AZIN2: variants seen among roughly 807,000 people sequenced by gnomAD.
AZIN2 encodes antizyme inhibitor 2.
AZIN2 carries 28 observed loss-of-function variants against 47.8 expected under a neutral mutation model. The ratio of observed to expected loss-of-function variants is 0.59; its 90% CI spans 0.43 to 0.80. The LOEUF (loss-of-function observed/expected upper bound fraction) is 0.80, where lower values mean the gene tolerates loss of function less well. AZIN2 is among the 30% of genes least tolerant of loss of function. The pLI is 0.00. For missense variants in AZIN2, 535 were observed against 582.5 expected, an observed-to-expected ratio of 0.92 and a Z score of 0.84; for synonymous variants, 221 against 239.4, an observed-to-expected ratio of 0.92 and a Z score of 0.71.
intron 10 of AZIN2, among the ~76,000 whole-genome samples, chr1:33,105,500 A>G (rs1333849464): frequency 6.6e-6 from 1 of 152,220 alleles, no homozygotes; most frequent in Non-Finnish European, 1.5e-5. Context: ...GGAAACCTAC[A>G]TTCATGGCAG....
chr1:33,162,964 G>A, the AZIN2 span: 1 of 152,252 alleles, frequency 6.6e-6, no homozygotes, highest in East Asian at 1.9e-4. Context: ...TTGCCTCACT[G>A]ATAAGATTGA....
At chr1:33,157,579 C>T in the AZIN2 span, among the ~76,000 whole-genome samples, 6 of 152,044 alleles carry the variant, frequency 3.9e-5, no homozygotes, top group Admixed American at 2.6e-4. Context: ...ATGTAAGATG[C>T]GTGAGGGCAG....
chr1:33,144,461 G>A, the AZIN2 span, among the ~76,000 whole-genome samples: 1 of 152,212 alleles, frequency 6.6e-6, no homozygotes, highest in Non-Finnish European at 1.5e-5. Flanking sequence ...TTCTGAGCAA[G>A]TGTGATGTGA....
At chr1:33,128,203 CAA>C (rs34284839), downstream of AZIN2, among the ~76,000 whole-genome samples, 3,124 of 83,646 alleles carry the variant, frequency 0.037, 134 homozygotes, top group African/African-American at 0.13. Flanking sequence ...CCCACCTCTC[CAA>C]AAAAAAAAAA....
rs1010484343 is a variant in AZIN2 at position 33,113,480 on chromosome 1, G to C, written c.1030-4422G>C. 6.6e-6 allele frequency among the ~76,000 whole-genome samples: 1 copy of C among 152,034 alleles called. No individual in the cohort carries two copies. The highest frequency in any genetic ancestry group is 1.5e-5 in the Non-Finnish European group (1 of 68,014). ...TAAGATTTTCCAGGTGGGCAAATAC[G>C]TTATCTGCAGTGTAATATTTTATTT... On this transcript the variant is annotated intron_variant, in intron 10 of 11. Transcript: ENST00000294517. The surrounding 1 kb of genome is among the most constrained non-coding windows in gnomAD (Gnocchi z 4.1).
At chr1:33,098,020 C>A in intron 9 of AZIN2, 47 bp from the exon 10 acceptor site, 2 of 1,405,140 alleles carry the variant, frequency 1.4e-6, no homozygotes, top group Non-Finnish European at 1.0e-6. Context: ...CACTACCACC[C>A]CCTCACATTG....
In AZIN2 at chr1:33,121,615, G is replaced by A. The variant is rs1644797229; in HGVS notation, c.*1433G>A. Among the ~76,000 whole-genome samples the A allele has an allele frequency of 6.6e-6, 1 of 152,150 alleles. No individual in the cohort carries two copies. Reference sequence around the variant, plus strand: ...AAATAAATAAAGTGGAGAAGTTAGTGGTTTCTGGTGTATTCAGAGTTGTGT... The same window carrying A: ...AAATAAATAAAGTGGAGAAGTTAGTAGTTTCTGGTGTATTCAGAGTTGTGT... On this transcript the variant is annotated 3_prime_UTR_variant, in exon 12 of 12. Coordinates refer to ENST00000294517, the MANE Select transcript of AZIN2 (RefSeq NM_052998.4).
chr1:33,160,586 G>T, the AZIN2 span, among the ~76,000 whole-genome samples: 1 of 152,016 alleles, frequency 6.6e-6, no homozygotes, highest in Non-Finnish European at 1.5e-5. Flanking sequence ...TGTATTTTTA[G>T]TAGAGATGGG....
chr1:33,087,195 G>A (rs1237540355), intron 5 of AZIN2, among the ~76,000 whole-genome samples: 8 of 150,988 alleles, frequency 5.3e-5, no homozygotes, highest in Admixed American at 1.3e-4. Context: ...GTGCAGTGGC[G>A]CAATCTCGGC....
At chr1:33,089,915 TG>T (rs1167914383) in intron 5 of AZIN2, among the ~76,000 whole-genome samples, 1 of 152,240 alleles carries the variant, frequency 6.6e-6, no homozygotes. Context: ...TGTTTATTCG[TG>T]GAGAGTCAGA....
chr1:33,149,817 A>G, the AZIN2 span, among the ~76,000 whole-genome samples: 1 of 151,974 alleles, frequency 6.6e-6, no homozygotes, highest in South Asian at 2.1e-4. Context: ...CTGTGATCAC[A>G]TTTTGCCCTA....
chr1:33,096,916 A>C, intron 9 of AZIN2, 47 bp downstream of exon 9: 1 of 1,611,744 alleles, frequency 6.2e-7, no homozygotes, highest in Non-Finnish European at 8.5e-7. Context: ...CTGAAGCTTC[A>C]GATAGTGGTT....
At chr1:33,103,975 C>T (rs539249514) in intron 10 of AZIN2, among the ~76,000 whole-genome samples, 10 of 151,986 alleles carry the variant, frequency 6.6e-5, no homozygotes, top group African/African-American at 1.7e-4. Context: ...CTCTGCCTCC[C>T]GGGTTCAAGT....
chr1:33,093,818 G>A (rs1642847035), intron 7 of AZIN2, among the ~76,000 whole-genome samples: 1 of 150,166 alleles, frequency 6.7e-6, no homozygotes, highest in Non-Finnish European at 1.5e-5. Context: ...GCAGCCTTGA[G>A]CTCCCAGGCT....
chr1:33,099,539 C>A (rs971075067), intron 10 of AZIN2, among the ~76,000 whole-genome samples: 2 of 152,222 alleles, frequency 1.3e-5, no homozygotes, highest in African/African-American at 4.8e-5. Flanking sequence ...CTCCAGTACT[C>A]GTCTTCCTGT....
intron 10 of AZIN2, among the ~76,000 whole-genome samples, chr1:33,108,357 T>C (rs1644121928): frequency 6.6e-6 from 1 of 151,748 alleles, no homozygotes; most frequent in Non-Finnish European, 1.5e-5. Flanking sequence ...TTTTTTTTTT[T>C]TTTGAGACAG....
At chr1:33,147,116 C>T in the AZIN2 span, 1 of 1,570,176 alleles carries the variant, frequency 6.4e-7, no homozygotes, top group East Asian at 2.2e-5. The surrounding 1 kb of genome is among the most constrained non-coding windows in gnomAD (Gnocchi z 8.1). Flanking sequence ...CTTCTATCTC[C>T]TGGGCAGGGC....
chr1:33,166,080 G>C, the AZIN2 span: 1 of 152,444 alleles, frequency 6.6e-6, no homozygotes. Context: ...TCTCACAGGA[G>C]TGTGAACTGC....
At chr1:33,136,245 T>G in the AZIN2 span, among the ~76,000 whole-genome samples, 1 of 151,010 alleles carries the variant, frequency 6.6e-6, no homozygotes, top group Non-Finnish European at 1.5e-5. Flanking sequence ...TTCTTTTCCT[T>G]TCTCTCTTTC....
Sources: allele counts gnomAD v4.1 joint callset (sites outside exome capture counted in the v4.1 genomes callset), GRCh38; gene constraint gnomAD v4.1.1; non-coding constraint Gnocchi (gnomAD v3.1); transcripts MANE v1.5; gene names NCBI Gene and HGNC (gene_info 2026-07-23, HGNC 2026-07-21).